ST3GAL1: variants seen among roughly 807,000 people sequenced by gnomAD.
ST3GAL1 encodes ST3 beta-galactoside alpha-2,3-sialyltransferase 1.
In ST3GAL1, 16 loss-of-function variants were observed where a neutral mutation model predicts 34.1. The observed-to-expected ratio is 0.47, with a 90% CI of 0.32 to 0.71. The LOEUF is 0.71. Among genes scored for constraint, ST3GAL1 ranks in the 30% least tolerant of loss-of-function variants. The pLI is 0.04. For synonymous variants in ST3GAL1, 191 were observed against 184.7 expected (o/e 1.03, Z -0.28); for missense variants, 353 against 447.4 (o/e 0.79, Z 1.90).
Position 133,494,186 on chromosome 8 carries a change from C to T in ST3GAL1, c.-374+4949G>A, listed in dbSNP as rs541598492. 1.8e-4 allele frequency among the ~76,000 whole-genome samples: 27 copies of T among 152,292 alleles called. No homozygotes were observed. In the South Asian group the frequency reaches 5.4e-3, roughly 30 times the overall value. ...TTCAATTTCTATTTACAAGACCCCA[C>T]AATATGCCTGGGAAGCAATGTTCTC... On this transcript the variant is annotated intron_variant, in intron 3 of 9. Transcript: ENST00000522652.
At chr8:133,497,509 T>C (rs1357315178) in intron 3 of ST3GAL1, among the ~76,000 whole-genome samples, 4 of 122,992 alleles carry the variant, frequency 3.3e-5, no homozygotes, top group Non-Finnish European at 4.8e-5. Context: ...CTCGCTCTTT[T>C]GCCCAGGCTG....
intron 2 of ST3GAL1, among the ~76,000 whole-genome samples, chr8:133,540,483 G>C (rs889781525): frequency 6.6e-6 from 1 of 152,098 alleles, no homozygotes; most frequent in African/African-American, 2.4e-5. Flanking sequence ...TCTCTGAGGG[G>C]AAATGACAGC....
chr8:133,479,515 G>A (rs1252250869), intron 3 of ST3GAL1, among the ~76,000 whole-genome samples: 1 of 152,206 alleles, frequency 6.6e-6, no homozygotes, highest in Non-Finnish European at 1.5e-5. Context: ...GGACACCCTT[G>A]CCCTTAGTGC....
chr8:133,459,987 C>A lies in ST3GAL1; in HGVS notation c.850-50G>T, dbSNP rs2130912107. 6.5e-7 allele frequency: 1 copy of A among 1,548,336 alleles called. No individual in the cohort carries two copies. The highest frequency in any genetic ancestry group is 1.4e-5 in the African/African-American group (1 of 72,552). ...AACCAGACAGCAGGGCTGCTGGTGG[C>A]ACCTCTGAGAAAGGAAGCCTGTAGG... On this transcript the variant is annotated intron_variant, in intron 9 of 9. Transcript: ENST00000522652. The surrounding 1 kb of genome is among the most constrained non-coding windows in gnomAD (Gnocchi z 4.7).
At position 133,539,961 on chromosome 8, in the gene ST3GAL1, A is replaced by T. The variant is rs186486894; in HGVS notation, c.-429+5813T>A. ...TTAACATCTTGAGGACATAGCTCTC[A>T]TCTTATTCTGTTTTACCTCCAGTGC... is the stretch of plus-strand genomic sequence containing the variant. On this transcript the variant is annotated intron_variant, in intron 2 of 9. Coordinates refer to ENST00000522652, the MANE Select transcript of ST3GAL1 (RefSeq NM_173344.3). 7.5e-4 allele frequency among the ~76,000 whole-genome samples: 115 copies of T among 152,334 alleles called. 1 individual carries two copies. The highest frequency in any genetic ancestry group is 7.5e-3 in the Admixed American group (114 of 15,296).
chr8:133,505,388 G>T (rs1364974985), intron 2 of ST3GAL1, among the ~76,000 whole-genome samples: 1 of 152,134 alleles, frequency 6.6e-6, no homozygotes, highest in African/African-American at 2.4e-5. Context: ...AAGCCCGTGG[G>T]TCTTGGGGTA....
At chr8:133,502,948 G>A (rs1405140458) in intron 2 of ST3GAL1, among the ~76,000 whole-genome samples, 1 of 152,240 alleles carries the variant, frequency 6.6e-6, no homozygotes, top group Non-Finnish European at 1.5e-5. Context: ...CAGAGTGTGT[G>A]CAGTTCTGGT....
At chr8:133,481,984 ACT>A (rs1467828918) in intron 3 of ST3GAL1, among the ~76,000 whole-genome samples, 1 of 151,928 alleles carries the variant, frequency 6.6e-6, no homozygotes, top group Non-Finnish European at 1.5e-5. Flanking sequence ...TCCTGAACTC[ACT>A]GACTCCCTCT....
At chr8:133,562,519 C>T (rs181642930) in intron 1 of ST3GAL1, among the ~76,000 whole-genome samples, 20 of 152,244 alleles carry the variant, frequency 1.3e-4, no homozygotes, top group African/African-American at 4.8e-4. Flanking sequence ...GAATCCACAT[C>T]TTTATCTGCA....
intron 2 of ST3GAL1, among the ~76,000 whole-genome samples, chr8:133,541,008 CAT>C (rs1313224325): frequency 1.6e-5 from 2 of 126,048 alleles, no homozygotes; most frequent in Non-Finnish European, 3.3e-5. Context: ...TATATATAGA[CAT>C]ATATATGCAG....
At chr8:133,488,962 G>A (rs1258389528) in intron 3 of ST3GAL1, among the ~76,000 whole-genome samples, 1 of 152,174 alleles carries the variant, frequency 6.6e-6, no homozygotes, top group Non-Finnish European at 1.5e-5. Context: ...AGGGAGAGAG[G>A]GAACTGGGGA....
chr8:133,505,880 C>G (rs1043176511), intron 2 of ST3GAL1, among the ~76,000 whole-genome samples: 1 of 152,102 alleles, frequency 6.6e-6, no homozygotes, highest in African/African-American at 2.4e-5. Context: ...GAATTACAGG[C>G]GTGAGCCACT....
intron 2 of ST3GAL1, among the ~76,000 whole-genome samples, chr8:133,544,713 C>A (rs558661884): frequency 2.0e-5 from 3 of 152,284 alleles, no homozygotes; most frequent in East Asian, 3.9e-4. Flanking sequence ...AACTAATAAA[C>A]CCCATGGCCC....
chr8:133,460,921 C>A (rs895267719), intron 9 of ST3GAL1, among the ~76,000 whole-genome samples: 7 of 152,156 alleles, frequency 4.6e-5, no homozygotes, highest in African/African-American at 1.7e-4. Flanking sequence ...ACGGGGACAG[C>A]ACCATGCCAC....
At chr8:133,558,070 G>A (rs1007541306) in intron 1 of ST3GAL1, among the ~76,000 whole-genome samples, 35 of 152,134 alleles carry the variant, frequency 2.3e-4, no homozygotes, top group Non-Finnish European at 4.6e-4. Flanking sequence ...GCACCATTCT[G>A]CCATCTGCTC....
At position 133,556,262 on chromosome 8, in the gene ST3GAL1, G is replaced by T. The variant is rs540292219; in HGVS notation, c.-581-10336C>A. The stretch of plus-strand genomic sequence containing the variant: ...AGTTGGTGTCACCCCCAGAGCACAA[G>T]GGGTAACACTAAGCTCGGACGTGGA... On this transcript the variant is annotated intron_variant, in intron 1 of 9. Coordinates refer to ENST00000522652, the MANE Select transcript of ST3GAL1 (RefSeq NM_173344.3). This position sits in a 1 kb window ranked among gnomAD's most constrained non-coding sequence, Gnocchi z 8.9. 6.6e-6 allele frequency among the ~76,000 whole-genome samples: 1 copy of T among 152,152 alleles called. No individual in the cohort carries two copies. Among genetic ancestry groups the T allele is most frequent in the Non-Finnish European group, 1.5e-5 (1 of 68,032 alleles).
chr8:133,511,751 A>C (rs886355102), intron 2 of ST3GAL1, among the ~76,000 whole-genome samples: 1 of 152,168 alleles, frequency 6.6e-6, no homozygotes, highest in African/African-American at 2.4e-5. Context: ...GTATATATAA[A>C]GGGGAGTTTA....
chr8:133,505,947 CA>C (rs1398980977), intron 2 of ST3GAL1, among the ~76,000 whole-genome samples: 2 of 152,180 alleles, frequency 1.3e-5, no homozygotes, highest in Non-Finnish European at 2.9e-5. Context: ...TACAAGTCCT[CA>C]GTTGCACTCA....
intron 2 of ST3GAL1, among the ~76,000 whole-genome samples, chr8:133,532,550 A>G (rs1360566884): frequency 3.3e-5 from 5 of 152,214 alleles, no homozygotes. Context: ...ATAATTCCTC[A>G]ATTTTAATAT....
Sources: allele counts gnomAD v4.1 joint callset (sites outside exome capture counted in the v4.1 genomes callset), GRCh38; gene constraint gnomAD v4.1.1; non-coding constraint Gnocchi (gnomAD v3.1); transcripts MANE v1.5; gene names NCBI Gene and HGNC (gene_info 2026-07-23, HGNC 2026-07-21).